Variants in SPOPL observed in about 807,000 individuals in gnomAD.
SPOPL encodes speckle-type POZ protein-like.
SPOPL carries 23 observed loss-of-function variants against 53.8 expected under a neutral mutation model. The ratio of observed to expected loss-of-function variants is 0.43; its 90% confidence interval spans 0.31 to 0.61. SPOPL has a LOEUF of 0.61. SPOPL is among the 20% of genes least tolerant of loss of function. The pLI is 0.12. For synonymous variants in SPOPL, 164 were observed against 149.7 expected (o/e 1.10, Z -0.70); for missense variants, 442 against 466.9 (o/e 0.95, Z 0.49).
At position 138,554,536 on chromosome 2, in the gene SPOPL, G is replaced by A. The variant is rs1183252268; in HGVS notation, c.480+1855G>A. 7.0e-6 allele frequency: 9 copies of A among 1,278,698 alleles called. No individual in the cohort carries two copies. In the Admixed American group the frequency reaches 1.4e-4, roughly 20 times the overall value. The allele number at this position is 1,278,698 out of a possible 1,614,324, so 79.2% of individuals were successfully genotyped here. ...CCCCTGCAAGTGGTGCTGTAGACAG[G>A]TAAGGCAGTTGGGTGCTACCCTTTT... On this transcript the variant is annotated intron_variant, in intron 5 of 10. Transcript: ENST00000280098.
At chr2:138,502,637 T>G (rs1410761246) in intron 1 of SPOPL, among the ~76,000 whole-genome samples, 1 of 152,102 alleles carries the variant, frequency 6.6e-6, no homozygotes, top group Non-Finnish European at 1.5e-5. Context: ...GCTCACTACC[T>G]CCAGTCCGGT....
At position 138,550,224 on chromosome 2, in the gene SPOPL, G is replaced by A. The variant is rs755613583; in HGVS notation, c.8G>A (p.Arg3Gln). 1.2e-5 allele frequency: 20 copies of A among 1,613,256 alleles called. No individual in the cohort carries two copies. Among genetic ancestry groups the A allele is most frequent in the Non-Finnish European group, 1.6e-5 (19 of 1,179,582 alleles). ...GACTACAATAAAGTGGTGATGTCTCGGGAACCCACCCCACCTCTACCTGGA... is the reference window on the plus strand; with the variant it reads ...GACTACAATAAAGTGGTGATGTCTCAGGAACCCACCCCACCTCTACCTGGA... Reference protein sequence around the residue: MSREPTPPLPGDM... With the variant: MSQEPTPPLPGDM... The change falls in exon 2 of 11, where the codon CGG becomes CAG. Residue 3 changes from arginine to glutamine, a missense_variant. Transcript: ENST00000280098.
intron 1 of SPOPL, among the ~76,000 whole-genome samples, chr2:138,511,736 T>A (rs1558860800): frequency 6.6e-6 from 1 of 152,144 alleles, no homozygotes. Context: ...TGCTACCTTG[T>A]TTTGTGGTTG....
chr2:138,512,232 G>A (rs1035402805), intron 1 of SPOPL, among the ~76,000 whole-genome samples: 5 of 151,986 alleles, frequency 3.3e-5, no homozygotes, highest in African/African-American at 1.2e-4. Flanking sequence ...TTGCAGTCTT[G>A]ACAATTTTGA....
intron 7 of SPOPL, among the ~76,000 whole-genome samples, chr2:138,560,053 C>T (rs1045649409): frequency 5.9e-5 from 9 of 152,152 alleles, no homozygotes; most frequent in Admixed American, 4.6e-4. Flanking sequence ...ATACTATTGA[C>T]ATCAAGGGGT....
At chr2:138,566,221 G>A (rs1032010141) in intron 10 of SPOPL, among the ~76,000 whole-genome samples, 1 of 152,096 alleles carries the variant, frequency 6.6e-6, no homozygotes. Context: ...ACGTTGGTCA[G>A]TGTATGCTAA....
chr2:138,544,009 G>C (rs1243389241), intron 1 of SPOPL, among the ~76,000 whole-genome samples: 3 of 152,158 alleles, frequency 2.0e-5, no homozygotes, highest in Non-Finnish European at 4.4e-5. Context: ...TCCAGACCCT[G>C]TTTGCCTGGG....
At chr2:138,556,483 T>C (rs1052854413) in intron 5 of SPOPL, among the ~76,000 whole-genome samples, 1 of 152,194 alleles carries the variant, frequency 6.6e-6, no homozygotes, top group Non-Finnish European at 1.5e-5. Flanking sequence ...GTCTAGAAAT[T>C]TCAAGAGCAG....
At chr2:138,505,594 T>TAAAA (rs1169614974) in intron 1 of SPOPL, among the ~76,000 whole-genome samples, 12 of 75,088 alleles carry the variant, frequency 1.6e-4, no homozygotes, top group African/African-American at 4.2e-4. Flanking sequence ...GTGTCTCTTC[T>TAAAA]AAAAAAAAAA....
chr2:138,502,393 C>G (rs954840052), intron 1 of SPOPL, among the ~76,000 whole-genome samples: 3 of 152,220 alleles, frequency 2.0e-5, no homozygotes, highest in Non-Finnish European at 2.9e-5. Context: ...TTCCAGGATC[C>G]CCTTTAGTTT....
At chr2:138,512,652 T>C (rs1470480599) in intron 1 of SPOPL, among the ~76,000 whole-genome samples, 2 of 152,024 alleles carry the variant, frequency 1.3e-5, no homozygotes, top group Non-Finnish European at 2.9e-5. Context: ...TATACCCTGA[T>C]AACAAAAATG....
chr2:138,519,907 AT>A (rs1558863695), intron 1 of SPOPL, among the ~76,000 whole-genome samples: 1 of 152,208 alleles, frequency 6.6e-6, no homozygotes, highest in Non-Finnish European at 1.5e-5. Flanking sequence ...TATGGGTGGC[AT>A]TTTTTGTGAA....
At position 138,567,322 on chromosome 2, in the gene SPOPL, G is replaced by A. The variant is rs150609453; in HGVS notation, c.1035-1614G>A. 4.5e-4 allele frequency among the ~76,000 whole-genome samples: 67 copies of A among 150,460 alleles called. No individual in the cohort carries two copies. In the East Asian group the frequency reaches 0.011, roughly 24 times the overall value. On this transcript the variant is annotated intron_variant, in intron 10 of 10. Coordinates refer to ENST00000280098, the MANE Select transcript of SPOPL (RefSeq NM_001001664.3). ...AAGAGAGGAAGAAAAGTACACCCCA[G>A]AAAAAGGAAATGAGATGCGCAAAGT...
chr2:138,561,388 A>G (rs540256494), intron 8 of SPOPL, among the ~76,000 whole-genome samples: 261 of 152,262 alleles, frequency 1.7e-3, no homozygotes, highest in Middle Eastern at 6.8e-3. Context: ...CTTTTTTGTA[A>G]TGATGATTTT....
intron 1 of SPOPL, among the ~76,000 whole-genome samples, chr2:138,521,953 C>T (rs933660238): frequency 7.2e-5 from 11 of 152,092 alleles, no homozygotes; most frequent in East Asian, 1.9e-4. Context: ...TGTGTGTTAG[C>T]GGTATTGACA....
chr2:138,544,586 CA>C (rs919692782), intron 1 of SPOPL, among the ~76,000 whole-genome samples: 1 of 152,190 alleles, frequency 6.6e-6, no homozygotes, highest in African/African-American at 2.4e-5. Context: ...ATTGGAAAAG[CA>C]CAGTATTAGG....
chr2:138,564,265 A>G (rs181529212), intron 8 of SPOPL: 174 of 158,642 alleles, frequency 1.1e-3, no homozygotes, highest in African/African-American at 3.8e-3. Context: ...AAGCTGCTCA[A>G]CATGTTATAT....
chr2:138,517,812 C>T (rs1488950023), intron 1 of SPOPL, among the ~76,000 whole-genome samples: 1 of 151,216 alleles, frequency 6.6e-6, no homozygotes, highest in Non-Finnish European at 1.5e-5. Context: ...TTTGGGAGGC[C>T]GAGGCGGGCG....
chr2:138,504,098 T>C (rs1684163696), intron 1 of SPOPL, among the ~76,000 whole-genome samples: 1 of 152,278 alleles, frequency 6.6e-6, no homozygotes, highest in African/African-American at 2.4e-5. Flanking sequence ...TTGTGTTGTT[T>C]TAAATAGTAA....
Sources: gnomAD v4.1 joint callset for allele counts (sites outside exome capture counted in the v4.1 genomes callset) on GRCh38, gnomAD v4.1.1 for gene constraint, MANE v1.5 for transcripts, NCBI Gene and HGNC (gene_info 2026-07-23, HGNC 2026-07-21) for gene names.